Variants in KCNU1 observed in about 807,000 individuals in gnomAD.
KCNU1 encodes potassium channel subfamily U member 1.
Under a neutral mutation model 126.8 loss-of-function variants are expected in KCNU1, and 93 were observed. The ratio of observed to expected loss-of-function variants is 0.73; its 90% CI spans 0.62 to 0.87. The LOEUF (loss-of-function observed/expected upper bound fraction) is 0.87. Among genes scored for constraint, KCNU1 ranks in the 40% least tolerant of loss-of-function variants. KCNU1 has a pLI of 0.00. For synonymous variants in KCNU1, 523 were observed against 494.2 expected (o/e 1.06, Z -0.77); for missense variants, 1,330 against 1,367.1 (o/e 0.97, Z 0.43).
chr8:36,827,806 G>C (rs752591620), intron 10 of KCNU1, among the ~76,000 whole-genome samples: 4 of 152,128 alleles, frequency 2.6e-5, no homozygotes, highest in Non-Finnish European at 5.9e-5. Flanking sequence ...GATAATTTCA[G>C]AGTATTTGAA....
intron 16 of KCNU1, among the ~76,000 whole-genome samples, chr8:36,844,883 CA>C (rs1204154424): frequency 2.0e-5 from 3 of 152,112 alleles, no homozygotes; most frequent in African/African-American, 7.2e-5. Context: ...TCCTGATAAA[CA>C]GGGAGAAATG....
intron 18 of KCNU1, among the ~76,000 whole-genome samples, chr8:36,847,668 A>G (rs1208874723): frequency 6.6e-6 from 1 of 152,214 alleles, no homozygotes; most frequent in Admixed American, 6.5e-5. Flanking sequence ...TAATGACTGC[A>G]TAGTATTTCA....
intron 24 of KCNU1, among the ~76,000 whole-genome samples, chr8:36,923,593 A>C (rs558340891): frequency 6.6e-6 from 1 of 152,302 alleles, no homozygotes; most frequent in Admixed American, 6.5e-5. Context: ...CCTCTCAGCA[A>C]GGCAATCTTT....
intron 20 of KCNU1, among the ~76,000 whole-genome samples, chr8:36,908,230 T>A (rs1014959857): frequency 1.3e-5 from 2 of 152,200 alleles, no homozygotes; most frequent in Non-Finnish European, 2.9e-5. Flanking sequence ...TTTATTGTTT[T>A]TATGAGTCTC....
At chr8:36,867,382 G>A (rs1418463213) in intron 19 of KCNU1, among the ~76,000 whole-genome samples, 1 of 152,164 alleles carries the variant, frequency 6.6e-6, no homozygotes. Context: ...CTGACGAGAG[G>A]AGAGAATGCA....
chr8:36,815,983 C>T (rs1031259535), intron 9 of KCNU1, among the ~76,000 whole-genome samples: 1 of 152,172 alleles, frequency 6.6e-6, no homozygotes, highest in African/African-American at 2.4e-5. Flanking sequence ...TTTGTACATT[C>T]CTTTCCACTA....
intron 2 of KCNU1, 41 bp downstream of exon 2, chr8:36,787,466 C>A: frequency 6.4e-7 from 1 of 1,563,152 alleles, no homozygotes; most frequent in South Asian, 1.2e-5. Flanking sequence ...CAAACTTTAG[C>A]CATAGGTGTG....
intron 19 of KCNU1, among the ~76,000 whole-genome samples, chr8:36,883,219 T>C (rs1806553557): frequency 6.6e-6 from 1 of 152,194 alleles, no homozygotes; most frequent in African/African-American, 2.4e-5. Flanking sequence ...GCTGAGAAAG[T>C]TGATGCTCAC....
rs1007759745 is a variant in KCNU1, at chr8:36,834,963, G to A, written c.1295+95G>A. 3.5e-5 allele frequency: 28 copies of A among 800,614 alleles called. No homozygotes were observed. The Admixed American group carries it at 3.7e-4, about 11-fold the overall frequency. The allele number at this position is 800,614 out of a possible 1,614,324, so 49.6% of individuals were successfully genotyped here. A position where few individuals can be genotyped will look rare whatever the true frequency, so the allele number is the denominator to read the frequency against. On this transcript the variant is annotated intron_variant, in intron 12 of 26. Transcript: ENST00000399881. ...ATAAGCATAAAAAGGAGAAAATGTCGTCTATCATATCACTAGGTTCATCAT... is the reference window on the plus strand; with the variant it reads ...ATAAGCATAAAAAGGAGAAAATGTCATCTATCATATCACTAGGTTCATCAT...
At chr8:36,915,856 T>C (rs1410364614) in intron 22 of KCNU1, among the ~76,000 whole-genome samples, 1 of 152,068 alleles carries the variant, frequency 6.6e-6, no homozygotes, top group Non-Finnish European at 1.5e-5. Context: ...ATTTGCAACA[T>C]GTGGTATGTA....
chr8:36,918,412 G>T lies in KCNU1; in HGVS notation c.2522-411G>T, dbSNP rs147240782. ...AAATAAAAAAAAAAATAAATTAGCT[G>T]GGTATGGAGGCATGTGCCAGAAGTC... On this transcript the variant is annotated intron_variant, in intron 22 of 26. Transcript: ENST00000399881. Among the ~76,000 whole-genome samples, 141 of 151,874 alleles carry T rather than the reference G, an allele frequency of 9.3e-4. 1 individual carries two copies. The highest frequency in any genetic ancestry group is 1.6e-3 in the Non-Finnish European group (108 of 67,952).
chr8:36,893,635 A>C (rs1807066547), intron 19 of KCNU1, among the ~76,000 whole-genome samples: 1 of 152,066 alleles, frequency 6.6e-6, no homozygotes, highest in East Asian at 1.9e-4. Flanking sequence ...CTGTTGAACT[A>C]AAGATAGTGG....
chr8:36,922,721 A>T, intron 24 of KCNU1, 92 bp downstream of exon 24: 1 of 1,279,762 alleles, frequency 7.8e-7, no homozygotes, highest in Non-Finnish European at 1.1e-6. Context: ...ATAACACCTC[A>T]CAGTTCTAAG....
At chr8:36,923,231 C>A (rs1378019655) in intron 24 of KCNU1, among the ~76,000 whole-genome samples, 1 of 152,208 alleles carries the variant, frequency 6.6e-6, no homozygotes, top group Non-Finnish European at 1.5e-5. Flanking sequence ...AACACCTACT[C>A]TGCACAGGGC....
chr8:36,843,885 G>T (rs1343398822), intron 16 of KCNU1, among the ~76,000 whole-genome samples: 1 of 152,114 alleles, frequency 6.6e-6, no homozygotes, highest in East Asian at 1.9e-4. Context: ...TAATGATTTT[G>T]TTCCAGGGAC....
At position 36,909,399 on chromosome 8, in the gene KCNU1, G is replaced by A. The variant is rs200708777; in HGVS notation, c.2195G>A (p.Arg732Gln). The A allele has an allele frequency of 7.6e-5, 122 of 1,613,340 alleles. 1 individual carries two copies. The highest frequency in any genetic ancestry group is 1.5e-4 in the Admixed American group (9 of 60,010). ...GDAHSAPMGL[R>Q]NFVMPLRASN... ...GCCCACTCAGCCCCGATGGGGCTTC[G>A]GAACTTTGTAATGCCCTTGAGAGCC... Residue 732 changes from arginine (R) to glutamine (Q), a missense_variant, in exon 21 of 27, where the codon CGG becomes CAG. Around this residue, in one of 3 missense-constraint regions of KCNU1, gnomAD observed 1,054 missense variants for 1,053.9 expected, o/e 1.00. Coordinates refer to ENST00000399881, the MANE Select transcript of KCNU1 (RefSeq NM_001031836.3).
chr8:36,813,789 A>G (rs1457937388), intron 7 of KCNU1, among the ~76,000 whole-genome samples: 2 of 152,164 alleles, frequency 1.3e-5, no homozygotes, highest in Non-Finnish European at 2.9e-5. Context: ...TGAAGTGCTC[A>G]TTTAAGTGCT....
intron 10 of KCNU1, among the ~76,000 whole-genome samples, chr8:36,832,556 T>C (rs1804592724): frequency 6.6e-6 from 1 of 152,152 alleles, no homozygotes; most frequent in African/African-American, 2.4e-5. Flanking sequence ...TTTTAATCTC[T>C]ACTTTGACTA....
chr8:36,915,174 G>T (rs1450501118), intron 22 of KCNU1, among the ~76,000 whole-genome samples: 7 of 152,160 alleles, frequency 4.6e-5, no homozygotes, highest in African/African-American at 1.7e-4. Flanking sequence ...TCAGAAAGTG[G>T]GGTTCAAAGG....
Sources: gnomAD v4.1 joint callset for allele counts (sites outside exome capture counted in the v4.1 genomes callset) on GRCh38, gnomAD v4.1.1 for gene constraint, gnomAD v4.1.1 regional missense constraint, MANE v1.5 for transcripts, NCBI Gene and HGNC (gene_info 2026-07-23, HGNC 2026-07-21) for gene names.